The following HPSE2 variants were observed in gnomAD, a reference collection of about 807,000 sequenced individuals.
HPSE2 encodes the protein heparanase 2 (inactive).
A neutral mutation model predicts 60.5 loss-of-function variants in HPSE2; 38 were observed. The ratio of observed to expected loss-of-function variants is 0.63; its 90% CI spans 0.48 to 0.82. The LOEUF is 0.82. Ranked by LOEUF, HPSE2 falls within the 40% of genes least tolerant of loss-of-function variation. The pLI is 0.00. For missense variants in HPSE2, 713 were observed against 740.4 expected, an observed-to-expected ratio of 0.96 and a Z score of 0.43; for synonymous variants, 295 against 293.2, an observed-to-expected ratio of 1.01 and a Z score of -0.06.
chr10:98,586,351 G>C (rs1944940899), intron 9 of HPSE2, among the ~76,000 whole-genome samples: 1 of 152,090 alleles, frequency 6.6e-6, no homozygotes, highest in Non-Finnish European at 1.5e-5. Flanking sequence ...TGTTTATCTA[G>C]TGAAATTCTT....
At chr10:98,562,173 C>T (rs868640648) in intron 9 of HPSE2, among the ~76,000 whole-genome samples, 4 of 152,254 alleles carry the variant, frequency 2.6e-5, no homozygotes, top group Non-Finnish European at 1.5e-5. Context: ...AATATGGTCC[C>T]ATGCTGTACA....
intron 11 of HPSE2, among the ~76,000 whole-genome samples, chr10:98,477,078 G>A (rs1013122539): frequency 6.6e-6 from 1 of 152,072 alleles, no homozygotes; most frequent in Non-Finnish European, 1.5e-5. Flanking sequence ...CTGGATCCTA[G>A]GGACTTCTAG....
chr10:99,294,677 T>TA, the HPSE2 span, among the ~76,000 whole-genome samples: 1 of 151,892 alleles, frequency 6.6e-6, no homozygotes, highest in Non-Finnish European at 1.5e-5. Context: ...CTCACACCTG[T>TA]AATCTCAGCA....
chr10:99,180,270 T>C (rs1847707079), intron 2 of HPSE2, among the ~76,000 whole-genome samples: 1 of 151,798 alleles, frequency 6.6e-6, no homozygotes. Flanking sequence ...TGGGATCTAA[T>C]TAAAGAGCTT....
intron 3 of HPSE2, among the ~76,000 whole-genome samples, chr10:98,972,578 A>G (rs909101711): frequency 5.9e-5 from 9 of 152,138 alleles, no homozygotes; most frequent in African/African-American, 1.4e-4. Context: ...TGATACACAC[A>G]TGGCTCTTTC....
chr10:98,919,074 C>G (rs1954207730), intron 3 of HPSE2, among the ~76,000 whole-genome samples: 2 of 152,052 alleles, frequency 1.3e-5, no homozygotes, highest in African/African-American at 4.8e-5. Flanking sequence ...CAATTACAGA[C>G]TGCTAAGAGA....
At chr10:98,710,987 T>C (rs1183374886) in intron 5 of HPSE2, among the ~76,000 whole-genome samples, 1 of 152,074 alleles carries the variant, frequency 6.6e-6, no homozygotes, top group Non-Finnish European at 1.5e-5. Context: ...GGACAATGTC[T>C]GGAACAAGAT....
intron 3 of HPSE2, among the ~76,000 whole-genome samples, chr10:99,065,699 A>G (rs578100309): frequency 3.3e-5 from 5 of 152,336 alleles, no homozygotes; most frequent in Middle Eastern, 3.4e-3. Flanking sequence ...AGAAATATCT[A>G]AGCCAAGGCT....
intron 3 of HPSE2, among the ~76,000 whole-genome samples, chr10:98,833,390 G>A (rs1398388752): frequency 6.6e-6 from 1 of 152,140 alleles, no homozygotes; most frequent in African/African-American, 2.4e-5. Context: ...ATCTGAGCAT[G>A]TTCTGAGGAA....
chr10:98,700,116 T>C (rs1565091693), intron 5 of HPSE2, among the ~76,000 whole-genome samples: 1 of 151,438 alleles, frequency 6.6e-6, no homozygotes, highest in African/African-American at 2.4e-5. Context: ...TACCAATGAC[T>C]TTCTTCACAG....
At chr10:99,105,503 T>G (rs1245876497) in intron 3 of HPSE2, among the ~76,000 whole-genome samples, 1 of 149,498 alleles carries the variant, frequency 6.7e-6, no homozygotes, top group African/African-American at 2.4e-5. Context: ...GTTGTAAGAG[T>G]TTTTTTTTTC....
the HPSE2 span, among the ~76,000 whole-genome samples, chr10:99,304,074 G>A: frequency 1.3e-5 from 2 of 152,218 alleles, no homozygotes; most frequent in African/African-American, 2.4e-5. Flanking sequence ...ATGGACCTCT[G>A]CCCTTCTGAA....
chr10:99,117,801 G>A (rs1239943524), intron 3 of HPSE2, among the ~76,000 whole-genome samples: 1 of 152,110 alleles, frequency 6.6e-6, no homozygotes, highest in Non-Finnish European at 1.5e-5. Context: ...AGAAAAGCTG[G>A]TACTGTTCCT....
At chr10:98,871,595 T>C (rs1952733861) in intron 3 of HPSE2, among the ~76,000 whole-genome samples, 1 of 152,090 alleles carries the variant, frequency 6.6e-6, no homozygotes. Context: ...AATTATTTAT[T>C]CCTTGATTAA....
the HPSE2 span, among the ~76,000 whole-genome samples, chr10:99,314,432 G>T: frequency 6.6e-6 from 1 of 152,132 alleles, no homozygotes; most frequent in Admixed American, 6.6e-5. Context: ...CAAAGTGCTG[G>T]GATTAAAGGC....
chr10:99,284,311 G>A, the HPSE2 span, among the ~76,000 whole-genome samples: 6 of 152,044 alleles, frequency 3.9e-5, no homozygotes, highest in East Asian at 1.9e-4. Flanking sequence ...TAGAGTAAAA[G>A]CATTTGACAA....
At chr10:99,139,280 CAG>C (rs2135763222) in intron 3 of HPSE2, among the ~76,000 whole-genome samples, 1 of 152,072 alleles carries the variant, frequency 6.6e-6, no homozygotes, top group African/African-American at 2.4e-5. Flanking sequence ...ACTGGAGACT[CAG>C]AAGCAGAAGG....
At chr10:98,697,104 G>T (rs1948244951) in intron 5 of HPSE2, among the ~76,000 whole-genome samples, 1 of 152,176 alleles carries the variant, frequency 6.6e-6, no homozygotes, top group Non-Finnish European at 1.5e-5. Flanking sequence ...TCCTCTAAAT[G>T]ATCACAGTGC....
At chr10:99,057,699 G>A (rs2135515450) in intron 3 of HPSE2, among the ~76,000 whole-genome samples, 1 of 152,286 alleles carries the variant, frequency 6.6e-6, no homozygotes, top group South Asian at 2.1e-4. Flanking sequence ...ATTCAAGTCA[G>A]GAAGACTGAC....
Sources: allele counts gnomAD v4.1 joint callset (sites outside exome capture counted in the v4.1 genomes callset), GRCh38; gene constraint gnomAD v4.1.1; transcripts MANE v1.5; gene names NCBI Gene and HGNC (gene_info 2026-07-23, HGNC 2026-07-21).